The following ATP6V1C1 variants were observed in gnomAD, a reference collection of about 807,000 sequenced individuals.
ATP6V1C1 encodes the protein V-type proton ATPase subunit C 1.
A neutral mutation model predicts 53.9 loss-of-function variants in ATP6V1C1; 45 were observed. That is an observed-to-expected ratio of 0.83 (90% CI 0.66 to 1.07). The LOEUF is 1.07. ATP6V1C1 is among the 50% of genes least tolerant of loss of function. The probability of loss-of-function intolerance (pLI) is 0.00; values close to 1 mark genes in which losing one functional copy is unlikely to be tolerated. For missense variants in ATP6V1C1, 315 were observed against 440.3 expected, an observed-to-expected ratio of 0.72 and a Z score of 2.55; for synonymous variants, 153 against 155.2, an observed-to-expected ratio of 0.99 and a Z score of 0.11.
chr8:103,047,767 A>G (rs1010811411), intron 3 of ATP6V1C1, among the ~76,000 whole-genome samples: 1 of 152,208 alleles, frequency 6.6e-6, no homozygotes, highest in Non-Finnish European at 1.5e-5. Context: ...CCCCATGGCA[A>G]CGATATGCTT....
At position 103,072,969 on chromosome 8, in the gene ATP6V1C1, T is replaced by C. The variant is rs942600559; in HGVS notation, c.*4222T>C. On this transcript the variant is annotated 3_prime_UTR_variant, in exon 13 of 13. Transcript: ENST00000518738. Reference sequence around the variant, plus strand: ...AACAGAAAGGGGGACATTCCTTCCCTGGCAGTTACTCAAAACTGAAATTGC... The same window carrying C: ...AACAGAAAGGGGGACATTCCTTCCCCGGCAGTTACTCAAAACTGAAATTGC... The C allele has an allele frequency of 6.6e-6, 1 of 152,256 alleles. No individual in the cohort carries two copies. The highest frequency in any genetic ancestry group is 6.5e-5 in the Admixed American group (1 of 15,288). The allele number at this position is 152,256 out of a possible 1,614,324, so 9.4% of individuals were successfully genotyped here.
intron 12 of ATP6V1C1, among the ~76,000 whole-genome samples, chr8:103,068,019 T>C (rs545429416): frequency 6.6e-6 from 1 of 152,356 alleles, no homozygotes; most frequent in South Asian, 2.1e-4. Flanking sequence ...TTGGCTCTGT[T>C]GCTCAGGCTA....
At position 103,033,588 on chromosome 8, in the gene ATP6V1C1, T is replaced by C. The variant is rs569244458; in HGVS notation, c.-39-7210T>C. 2.3e-3 allele frequency among the ~76,000 whole-genome samples: 356 copies of C among 152,276 alleles called. 1 individual carries two copies. The highest frequency in any genetic ancestry group is 8.0e-3 in the African/African-American group (333 of 41,562). On this transcript the variant is annotated intron_variant, in intron 1 of 12. Coordinates refer to ENST00000518738, the MANE Select transcript of ATP6V1C1 (RefSeq NM_001695.5). ...TTGAAAGACAGATACTAGTAAAAAG[T>C]GCTCCCCCACCCCCAGAGAAATACT...
At chr8:103,049,632 C>A (rs7002736) in intron 4 of ATP6V1C1, among the ~76,000 whole-genome samples, 1 of 151,988 alleles carries the variant, frequency 6.6e-6, no homozygotes, top group Non-Finnish European at 1.5e-5. Context: ...TCTAGTGATA[C>A]GTTTTTATAA....
rs2253218 is a variant in ATP6V1C1 at position 103,055,649 on chromosome 8, G to A, written c.573-219G>A. ...TTCTAGGATGTGCCTCTTTTGCAAT[G>A]GTTACTGGAGGTAGGGTGGTGATCT... On this transcript the variant is annotated intron_variant, in intron 7 of 12. Transcript: ENST00000518738. 0.46 allele frequency among the ~76,000 whole-genome samples: 69,324 copies of A among 151,950 alleles called. 16,083 individuals carry two copies. The highest frequency in any genetic ancestry group is 0.53 in the Admixed American group (8,095 of 15,244).
rs576968361 is a variant in ATP6V1C1, at chr8:103,066,755, A to G, written c.1053+308A>G. On this transcript the variant is annotated intron_variant, in intron 12 of 12. Coordinates refer to ENST00000518738, the MANE Select transcript of ATP6V1C1 (RefSeq NM_001695.5). ...GTTATTTACAAAAACTATAAATTGC[A>G]GAGAGGAAGAAAATAAGCAGTTATT... Among the ~76,000 whole-genome samples, 3 of 152,356 alleles carry G rather than the reference A, an allele frequency of 2.0e-5. No homozygotes were observed. The South Asian group carries it at 6.2e-4, about 32-fold the overall frequency.
At position 103,068,923 on chromosome 8, in the gene ATP6V1C1, T is replaced by A. The variant is rs1051472; in HGVS notation, c.*176T>A. 195 of 324,222 alleles carry A rather than the reference T, an allele frequency of 6.0e-4. No individual in the cohort carries two copies. The highest frequency in any genetic ancestry group is 1.7e-3 in the East Asian group (35 of 20,198). The allele number at this position is 324,222 out of a possible 1,614,324, so 20.1% of individuals were successfully genotyped here. A position where few individuals can be genotyped will look rare whatever the true frequency, so the allele number is the denominator to read the frequency against. On this transcript the variant is annotated 3_prime_UTR_variant, in exon 13 of 13. Transcript: ENST00000518738. The stretch of plus-strand genomic sequence containing the variant: ...AACATTTTCTTTTTAAAGGAAAAAA[T>A]ATATATATATAGTTTCTTTTTATTG...
chr8:103,054,961 C>T (rs533727282), intron 7 of ATP6V1C1, among the ~76,000 whole-genome samples: 14 of 152,048 alleles, frequency 9.2e-5, no homozygotes, highest in Non-Finnish European at 1.9e-4. Context: ...CATTTTTTTC[C>T]CCTTTATTGC....
intron 1 of ATP6V1C1, among the ~76,000 whole-genome samples, chr8:103,030,115 A>C (rs1195480142): frequency 6.6e-6 from 1 of 152,206 alleles, no homozygotes; most frequent in Non-Finnish European, 1.5e-5. Context: ...CACATAAGTG[A>C]ATGTTGGAGA....
intron 3 of ATP6V1C1, among the ~76,000 whole-genome samples, chr8:103,045,522 A>G (rs905803162): frequency 1.3e-5 from 2 of 152,226 alleles, no homozygotes; most frequent in African/African-American, 4.8e-5. Flanking sequence ...ATAATTCCAT[A>G]TATTCATATA....
intron 1 of ATP6V1C1, among the ~76,000 whole-genome samples, chr8:103,027,550 A>C (rs1816720366): frequency 6.6e-6 from 1 of 151,962 alleles, no homozygotes; most frequent in Non-Finnish European, 1.5e-5. Flanking sequence ...ATGCAAATCA[A>C]TTGTGGTAGG....
At chr8:103,040,691 G>C in intron 1 of ATP6V1C1, 107 bp from the exon 2 acceptor site, 1 of 935,932 alleles carries the variant, frequency 1.1e-6, no homozygotes, top group Non-Finnish European at 1.5e-6. Context: ...GCCAACATTA[G>C]ATTAGTTTTG....
intron 12 of ATP6V1C1, among the ~76,000 whole-genome samples, chr8:103,067,228 G>A (rs148696983): frequency 2.0e-4 from 31 of 151,616 alleles, no homozygotes; most frequent in East Asian, 1.4e-3. Flanking sequence ...GTGAAACCCC[G>A]TCTCTACTAG....
At chr8:103,034,539 A>C (rs1289427551) in intron 1 of ATP6V1C1, among the ~76,000 whole-genome samples, 1 of 151,848 alleles carries the variant, frequency 6.6e-6, no homozygotes, top group Non-Finnish European at 1.5e-5. Flanking sequence ...TTTGAAACTA[A>C]ACTTAAATTG....
chr8:103,039,927 G>A (rs1228310941), intron 1 of ATP6V1C1, among the ~76,000 whole-genome samples: 1 of 151,572 alleles, frequency 6.6e-6, no homozygotes, highest in Non-Finnish European at 1.5e-5. Flanking sequence ...ATTTGTAAAT[G>A]TTCGATGGCA....
intron 1 of ATP6V1C1, among the ~76,000 whole-genome samples, chr8:103,022,057 C>T (rs1816606584): frequency 6.6e-6 from 1 of 152,166 alleles, no homozygotes; most frequent in South Asian, 2.1e-4. Context: ...GAAAAGTCTA[C>T]ACACAGGACA....
At chr8:103,047,788 T>G (rs1817131321) in intron 3 of ATP6V1C1, among the ~76,000 whole-genome samples, 1 of 152,244 alleles carries the variant, frequency 6.6e-6, no homozygotes, top group Non-Finnish European at 1.5e-5. Flanking sequence ...TCTTCCCATG[T>G]AATCATCCTT....
intron 7 of ATP6V1C1, among the ~76,000 whole-genome samples, chr8:103,055,557 A>C (rs887970986): frequency 3.3e-5 from 5 of 152,182 alleles, no homozygotes; most frequent in Non-Finnish European, 7.4e-5. Context: ...GGCACAATAC[A>C]TATGAACTAT....
chr8:103,025,387 A>G (rs551478955), intron 1 of ATP6V1C1, among the ~76,000 whole-genome samples: 1 of 152,340 alleles, frequency 6.6e-6, no homozygotes, highest in East Asian at 1.9e-4. Flanking sequence ...GGAGAGAGGC[A>G]CCATTTGGTG....
Sources: gnomAD v4.1 joint callset for allele counts (sites outside exome capture counted in the v4.1 genomes callset) on GRCh38, gnomAD v4.1.1 for gene constraint, MANE v1.5 for transcripts, NCBI Gene and HGNC (gene_info 2026-07-23, HGNC 2026-07-21) for gene names.